UGT1A7: variants seen among roughly 807,000 people sequenced by gnomAD.
UGT1A7 encodes UDP glucuronosyltransferase family 1 member A7.
A neutral mutation model predicts 45.6 loss-of-function variants in UGT1A7; 33 were observed. That is an observed-to-expected ratio of 0.72 (90% confidence interval 0.55 to 0.97). The LOEUF is 0.97. Ranked by LOEUF, UGT1A7 falls within the 50% of genes least tolerant of loss-of-function variation. The pLI is 0.00. For synonymous variants in UGT1A7, 274 were observed against 250.6 expected (o/e 1.09, Z -0.88); for missense variants, 684 against 666.2 (o/e 1.03, Z -0.29).
At chr2:233,764,490 G>A (rs1698574986) in intron 1 of UGT1A7, among the ~76,000 whole-genome samples, 2 of 152,164 alleles carry the variant, frequency 1.3e-5, no homozygotes, top group South Asian at 4.1e-4. Flanking sequence ...AATGTTTATG[G>A]ACCTGTGGGT....
At chr2:233,693,658 G>T in intron 1 of UGT1A7, 1 of 1,614,212 alleles carries the variant, frequency 6.2e-7, no homozygotes, top group South Asian at 1.1e-5. Context: ...ATTTGTTGGA[G>T]CCCTATCTAT....
rs565015143 is a variant in UGT1A7, at chr2:233,688,003, C to A, written c.855+5211C>A. 1.2e-3 allele frequency among the ~76,000 whole-genome samples: 176 copies of A among 152,312 alleles called. 1 individual carries two copies. The highest frequency in any genetic ancestry group is 4.1e-3 in the African/African-American group (171 of 41,580). On this transcript the variant is annotated intron_variant, in intron 1 of 4. Coordinates refer to ENST00000373426, the MANE Select transcript of UGT1A7 (RefSeq NM_019077.3). The stretch of plus-strand genomic sequence containing the variant: ...AATTCAGTGGTTTTCTGTGTGCTCC[C>A]AGATACAATCAACCATCACCAATAT...
intron 1 of UGT1A7, among the ~76,000 whole-genome samples, chr2:233,765,889 C>T (rs1032509940): frequency 6.6e-6 from 1 of 152,020 alleles, no homozygotes; most frequent in Admixed American, 6.5e-5. Context: ...TTTCTCAGTG[C>T]GCCACTGCTC....
At chr2:233,695,130 C>CTTTCTTTTT (rs1364557158) in intron 1 of UGT1A7, among the ~76,000 whole-genome samples, 39,526 of 138,334 alleles carry the variant, frequency 0.29, 6,081 homozygotes, top group South Asian at 0.37. Context: ...CTTTTCTTTT[C>CTTTCTTTTT]TTTTTTTTTT....
chr2:233,692,988 C>T, intron 1 of UGT1A7: 1 of 1,613,764 alleles, frequency 6.2e-7, no homozygotes. Context: ...ACCGTTGTTA[C>T]TTTAACTCTT....
intron 1 of UGT1A7, among the ~76,000 whole-genome samples, chr2:233,689,515 G>A (rs1197938802): frequency 6.6e-6 from 1 of 152,250 alleles, no homozygotes; most frequent in East Asian, 1.9e-4. Flanking sequence ...TTACACATTG[G>A]TTTGGTCATG....
chr2:233,760,995 A>G (rs777512835), intron 1 of UGT1A7: 2 of 1,614,138 alleles, frequency 1.2e-6, no homozygotes, highest in Non-Finnish European at 1.7e-6. Context: ...TTGCCTCAGA[A>G]TTCCTTCAGA....
At chr2:233,760,144 TG>T in intron 1 of UGT1A7, 1 of 1,433,916 alleles carries the variant, frequency 7.0e-7, no homozygotes, top group Non-Finnish European at 9.3e-7. Flanking sequence ...TCTCTGAAAG[TG>T]AACTCCCTGC....
At chr2:233,744,830 C>T (rs1397752961) in intron 1 of UGT1A7, among the ~76,000 whole-genome samples, 2 of 151,900 alleles carry the variant, frequency 1.3e-5, no homozygotes, top group African/African-American at 4.9e-5. Context: ...CTTTGAGAAT[C>T]GCTAGTCTAG....
At chr2:233,719,081 G>C (rs146146688) in intron 1 of UGT1A7, 13 of 1,614,146 alleles carry the variant, frequency 8.1e-6, no homozygotes, top group South Asian at 1.1e-5. Context: ...GGACCCAGAA[G>C]GAATTTGATC....
At chr2:233,764,054 A>G (rs995386532) in intron 1 of UGT1A7, among the ~76,000 whole-genome samples, 2 of 152,188 alleles carry the variant, frequency 1.3e-5, no homozygotes, top group African/African-American at 2.4e-5. Flanking sequence ...GGAAAATGAA[A>G]TGCATTTGGG....
intron 1 of UGT1A7, among the ~76,000 whole-genome samples, chr2:233,686,245 T>A (rs2074779107): frequency 1.3e-5 from 2 of 150,448 alleles, no homozygotes; most frequent in South Asian, 4.2e-4. Context: ...AAATGGTTTC[T>A]GAGATTTTTT....
chr2:233,712,808 G>A (rs1409482775), intron 1 of UGT1A7, among the ~76,000 whole-genome samples: 1 of 152,192 alleles, frequency 6.6e-6, no homozygotes, highest in Non-Finnish European at 1.5e-5. Context: ...CTTTCCCAGG[G>A]TGGGGCCCAT....
At chr2:233,705,964 C>T (rs2075881795) in intron 1 of UGT1A7, among the ~76,000 whole-genome samples, 1 of 152,112 alleles carries the variant, frequency 6.6e-6, no homozygotes, top group Non-Finnish European at 1.5e-5. Context: ...AGGTGCATGC[C>T]TGTGGTTCCG....
chr2:233,760,175 C>CT (rs1329658186), intron 1 of UGT1A7: 8 of 1,540,648 alleles, frequency 5.2e-6, no homozygotes, highest in Non-Finnish European at 6.1e-6. Flanking sequence ...GGACTGACAG[C>CT]TTTTTATAGT....
chr2:233,760,469 C>A (rs1273237448), intron 1 of UGT1A7: 1 of 1,614,210 alleles, frequency 6.2e-7, no homozygotes, highest in South Asian at 1.1e-5. Context: ...GTTGTCCTAG[C>A]ACCTGACGCC....
At position 233,682,282 on chromosome 2, in the gene UGT1A7, T is replaced by C. The variant is rs749237049; in HGVS notation, c.345T>C (p.Gly115=). The C allele has an allele frequency of 3.1e-6, 5 of 1,614,194 alleles. No homozygotes were observed. The Admixed American group carries it at 5.0e-5, about 16-fold the overall frequency. ...AFSLLTSSSN[G]IFDLFFSNCR... ...CTCTATTAACAAGTTCATCCAATGG[T>C]ATTTTTGACTTATTTTTTTCAAATT... is the stretch of plus-strand genomic sequence containing the variant. Residue 115 remains glycine (G), a synonymous_variant, in exon 1 of 5, where the codon GGT becomes GGC. Transcript: ENST00000373426.
At chr2:233,743,706 C>A in intron 1 of UGT1A7, 1 of 1,367,368 alleles carries the variant, frequency 7.3e-7, no homozygotes, top group Non-Finnish European at 9.8e-7. Context: ...TCCGCCCCCG[C>A]CTCGCCATAG....
intron 1 of UGT1A7, chr2:233,690,730 G>C (rs2075005257): frequency 8.3e-7 from 1 of 1,210,332 alleles, no homozygotes. Flanking sequence ...AGACATGCCA[G>C]ATTCCTCTGG....
Sources: gnomAD v4.1 joint callset for allele counts (sites outside exome capture counted in the v4.1 genomes callset) on GRCh38, gnomAD v4.1.1 for gene constraint, MANE v1.5 for transcripts, NCBI Gene and HGNC (gene_info 2026-07-23, HGNC 2026-07-21) for gene names.